NOC2L: variants seen among roughly 807,000 people sequenced by gnomAD.
NOC2L encodes nucleolar complex protein 2 homolog.
A neutral mutation model predicts 94.2 loss-of-function variants in NOC2L; 101 were observed. The ratio of observed to expected loss-of-function variants is 1.07; its 90% CI spans 0.91 to 1.26. The LOEUF (loss-of-function observed/expected upper bound fraction) is 1.26. Among genes scored for constraint, NOC2L ranks in the 50% most tolerant of loss-of-function variants. The probability of loss-of-function intolerance (pLI) is 0.00; values close to 1 mark genes in which losing one functional copy is unlikely to be tolerated. For missense variants in NOC2L, 1,076 were observed against 980.1 expected, an observed-to-expected ratio of 1.10 and a Z score of -1.31; for synonymous variants, 531 against 413.4, an observed-to-expected ratio of 1.28 and a Z score of -3.45.
chr1:952,503 G>T lies in NOC2L; in HGVS notation c.1100C>A (p.Ala367Asp), dbSNP rs746936976. ...FMQWTLTELLALEPGVAYQHA... is the reference protein window; with the variant it reads ...FMQWTLTELLDLEPGVAYQHA... ...CTGGTAGGCCACACCCGGCTCCAGG[G>T]CCAGCAGCTCCGTCAAGGTCCACTG... Residue 367 changes from alanine to aspartate, a missense_variant, in exon 10 of 19, where the codon GCC becomes GAC. Ala to Asp is a moderately radical substitution (Grantham distance 126, BLOSUM62 -2). Coordinates refer to ENST00000327044, the MANE Select transcript of NOC2L (RefSeq NM_015658.4). 6.2e-7 allele frequency: 1 copy of T among 1,613,872 alleles called. No homozygotes were observed. The highest frequency in any genetic ancestry group is 2.2e-5 in the East Asian group (1 of 44,892).
chr1:959,045 A>AG lies in NOC2L; in HGVS notation c.62dup (p.Ser22PhefsTer4), dbSNP rs1642503798. The AG allele has an allele frequency of 6.2e-7, 1 of 1,611,370 alleles. No homozygotes were observed. The highest frequency in any genetic ancestry group is 2.2e-5 in the East Asian group (1 of 44,866). ...ATTCGGACTCGGAGTCAAAGCCCGAAGCTAGGAACTCGTCCACCGTCAGCT... is the reference window on the plus strand; with the variant it reads ...ATTCGGACTCGGAGTCAAAGCCCGAAGGCTAGGAACTCGTCCACCGTCAGCT... On this transcript the variant is annotated frameshift_variant, in exon 2 of 19. Coordinates refer to ENST00000327044, the MANE Select transcript of NOC2L (RefSeq NM_015658.4). LOFTEE classifies it high-confidence loss of function.
At chr1:952,873 G>A (rs1045562696) in intron 9 of NOC2L, among the ~76,000 whole-genome samples, 3 of 152,196 alleles carry the variant, frequency 2.0e-5, no homozygotes, top group African/African-American at 7.2e-5. Context: ...CAGTAGGACT[G>A]TACCCTGGCC....
chr1:958,587 ACT>A (rs1442644833), intron 2 of NOC2L: 1 of 497,166 alleles, frequency 2.0e-6, no homozygotes, highest in East Asian at 5.1e-5. Context: ...CTCCCCTGCA[ACT>A]CTCTCTTCAG....
Position 944,497 on chromosome 1 carries a change from A to G in NOC2L, c.*197T>C, listed in dbSNP as rs1168285448. The G allele has an allele frequency of 6.2e-6, 4 of 648,070 alleles. No homozygotes were observed. Among genetic ancestry groups the G allele is most frequent in the African/African-American group, 1.9e-5 (1 of 53,402 alleles). 40.1% of individuals were successfully genotyped at this position (648,070 alleles called of 1,614,324 possible). ...CAGCAGCCCACAGCTGTGGGGCTTC[A>G]GCAGCCACACCAGCCCAGCCCAGCC... On this transcript the variant is annotated 3_prime_UTR_variant, in exon 19 of 19. Transcript: ENST00000327044.
In NOC2L at chr1:952,062, G is replaced by A. The variant is rs62639960; in HGVS notation, c.1269C>T (p.Gly423=). The change falls in exon 11 of 19, where the codon GGC becomes GGT. Residue 423 remains glycine (G), a synonymous_variant. Transcript: ENST00000327044. ...FLWCRVLSTA[G]PSEALQPLVY... ...CCAAGGGCTGGAGGGCTTCGCTGGGGCCCGCAGTGCTCAGGACCCGGCACC... is the reference window on the plus strand; with the variant it reads ...CCAAGGGCTGGAGGGCTTCGCTGGGACCCGCAGTGCTCAGGACCCGGCACC... 475 of 1,613,666 alleles carry A rather than the reference G, an allele frequency of 2.9e-4. 1 individual carries two copies. In the African/African-American group the frequency reaches 5.6e-3, roughly 19 times the overall value.
At position 956,246 on chromosome 1, in the gene NOC2L, G is replaced by C. The variant is rs368970138; in HGVS notation, c.487-31C>G. The C allele has an allele frequency of 2.1e-5, 34 of 1,609,172 alleles. No homozygotes were observed. The African/African-American group carries it at 3.9e-4, about 18-fold the overall frequency. ...GGAGCAAGAGTACCAGGGGCGTCAGGGGAGCTGAGACTGCACTTGGCAGAG... is the reference window on the plus strand; with the variant it reads ...GGAGCAAGAGTACCAGGGGCGTCAGCGGAGCTGAGACTGCACTTGGCAGAG... On this transcript the variant is annotated intron_variant, in intron 4 of 18. Coordinates refer to ENST00000327044, the MANE Select transcript of NOC2L (RefSeq NM_015658.4).
chr1:946,031 C>T (rs1642098150), intron 16 of NOC2L, 142 bp downstream of exon 16: 6 of 663,976 alleles, frequency 9.0e-6, no homozygotes, highest in Non-Finnish European at 1.5e-5. Flanking sequence ...CACCTACCCC[C>T]TCTCCAAGTC....
chr1:950,686 T>C (rs1260149061), intron 12 of NOC2L, among the ~76,000 whole-genome samples: 1 of 151,592 alleles, frequency 6.6e-6, no homozygotes, highest in East Asian at 1.9e-4. Context: ...TACAGACCCA[T>C]GCACCCAGAT....
chr1:957,479 C>T lies in NOC2L; in HGVS notation c.180-206G>A. ...ACACACTACACAGGCCCCCCAGCCG[C>T]GGTCTTCCCTGGACTTGCTGTGCCT... On this transcript the variant is annotated intron_variant, in intron 2 of 18. Transcript: ENST00000327044. 2.9e-5 allele frequency: 17 copies of T among 583,544 alleles called. No homozygotes were observed. The South Asian group carries it at 3.3e-4, about 11-fold the overall frequency. The allele number at this position is 583,544 out of a possible 1,614,324, so 36.1% of individuals were successfully genotyped here. A position where few individuals can be genotyped will look rare whatever the true frequency, so the allele number is the denominator to read the frequency against.
At chr1:945,246 C>T in intron 17 of NOC2L, 100 bp from the exon 18 acceptor site, 6 of 1,415,262 alleles carry the variant, frequency 4.2e-6, no homozygotes, top group Non-Finnish European at 5.7e-6. Flanking sequence ...CAACACCCTT[C>T]CCTCCGCTGA....
rs1447283662 is a variant in NOC2L at position 952,448 on chromosome 1, G to A, written c.1155C>T (p.Ala385=). Residue 385 remains alanine, a synonymous_variant, in exon 10 of 19, where the codon GCC becomes GCT. Transcript: ENST00000327044. ...QHAFLYIRQL[A]IHLRNAMTTR... is the part of the protein sequence containing the mutation. ...TGGTCATGGCGTTGCGCAGGTGTAT[G>A]GCGAGCTGGCGGATGTAGAGGAAGG... is the stretch of plus-strand genomic sequence containing the variant. 2 of 1,613,694 alleles carry A rather than the reference G, an allele frequency of 1.2e-6. No homozygotes were observed.
At chr1:945,488 C>T in intron 17 of NOC2L, 30 bp downstream of exon 17, 1 of 1,612,006 alleles carries the variant, frequency 6.2e-7, no homozygotes, top group Non-Finnish European at 8.5e-7. Flanking sequence ...CAGGCCCACC[C>T]TTCCCCTGGG....
Position 951,980 on chromosome 1 carries a change from C to T in NOC2L, c.1331+20G>A. ...CTTCTCCTGACCCTCCCGCACAACC[C>T]TGCCCACCCCACAACTCACTTGATA... On this transcript the variant is annotated intron_variant, in intron 11 of 18. Coordinates refer to ENST00000327044, the MANE Select transcript of NOC2L (RefSeq NM_015658.4). 6.2e-7 allele frequency: 1 copy of T among 1,607,150 alleles called. No homozygotes were observed. The highest frequency in any genetic ancestry group is 8.5e-7 in the Non-Finnish European group (1 of 1,176,612).
chr1:956,829 C>A lies in NOC2L; in HGVS notation c.486+65G>T, dbSNP rs543977674. ...CTGCCCGCCCCTCGCTGCTGCTCAC[C>A]TCAGGTGAGGCAAGGCCAGATTTCT... On this transcript the variant is annotated intron_variant, in intron 4 of 18. Transcript: ENST00000327044. 2.0e-4 allele frequency: 315 copies of A among 1,601,122 alleles called. 1 individual carries two copies. The African/African-American group carries it at 3.8e-3, about 19-fold the overall frequency.
In NOC2L at chr1:957,278, G is replaced by A. The variant is rs1348724960; in HGVS notation, c.180-5C>T. ...GAGGCACGGCCTTTACGCCGGCTGAGGAGGCAGAAGTCAGCGACCCCAGTG... is the reference window on the plus strand; with the variant it reads ...GAGGCACGGCCTTTACGCCGGCTGAAGAGGCAGAAGTCAGCGACCCCAGTG... On this transcript the variant is annotated splice_region_variant and splice_polypyrimidine_tract_variant and intron_variant, in intron 2 of 18. Coordinates refer to ENST00000327044, the MANE Select transcript of NOC2L (RefSeq NM_015658.4). 10 of 1,612,964 alleles carry A rather than the reference G, an allele frequency of 6.2e-6. No individual in the cohort carries two copies. Among genetic ancestry groups the A allele is most frequent in the African/African-American group, 1.3e-5 (1 of 75,056 alleles).
intron 16 of NOC2L, 61 bp downstream of exon 16, chr1:946,112 G>T: frequency 3.2e-6 from 4 of 1,240,638 alleles, no homozygotes; most frequent in Non-Finnish European, 4.6e-6. Context: ...AAGTCATAGT[G>T]CGCTAGATCT....
intron 8 of NOC2L, among the ~76,000 whole-genome samples, 176 bp downstream of exon 8, chr1:953,606 G>A (rs1371679492): frequency 6.6e-6 from 1 of 152,254 alleles, no homozygotes; most frequent in Admixed American, 6.5e-5. Context: ...GGGACTGCCT[G>A]AGACAGAAAC....
chr1:951,948 A>G, intron 11 of NOC2L, 52 bp downstream of exon 11: 1 of 1,571,164 alleles, frequency 6.4e-7, no homozygotes, highest in South Asian at 1.2e-5. Flanking sequence ...CAGTCCCAGC[A>G]AATTTGCTTC....
intron 12 of NOC2L, among the ~76,000 whole-genome samples, chr1:950,058 G>A (rs566355604): frequency 9.5e-4 from 144 of 152,344 alleles, no homozygotes; most frequent in African/African-American, 3.4e-3. Context: ...AGTGGCATGT[G>A]CACGTGCAAA....
Sources: allele counts gnomAD v4.1 joint callset (sites outside exome capture counted in the v4.1 genomes callset), GRCh38; gene constraint gnomAD v4.1.1; transcripts MANE v1.5; gene names NCBI Gene and HGNC (gene_info 2026-07-23, HGNC 2026-07-21).